The following GRIN2A variants were observed in gnomAD, a reference collection of about 807,000 sequenced individuals.
GRIN2A encodes glutamate ionotropic receptor NMDA type subunit 2A.
In GRIN2A, 22 loss-of-function variants were observed where a neutral mutation model predicts 113.4. That is an observed-to-expected ratio of 0.19 (90% CI 0.14 to 0.28). The LOEUF is 0.28. Ranked by LOEUF, GRIN2A falls within the 10% of genes least tolerant of loss-of-function variation. GRIN2A has a pLI of 1.00. For missense variants in GRIN2A, 1,502 were observed against 1,887.0 expected (o/e 0.80, Z 3.78); for synonymous variants, 827 against 738.4 (o/e 1.12, Z -1.94).
intron 3 of GRIN2A, among the ~76,000 whole-genome samples, chr16:9,891,952 G>A (rs957754403): frequency 2.6e-5 from 4 of 152,174 alleles, no homozygotes; most frequent in Non-Finnish European, 5.9e-5. Context: ...GGAAGGTGCA[G>A]GCATGGTGGC....
At chr16:9,986,525 G>T (rs908149107) in intron 2 of GRIN2A, among the ~76,000 whole-genome samples, 5 of 152,028 alleles carry the variant, frequency 3.3e-5, no homozygotes, top group Non-Finnish European at 5.9e-5. Context: ...AGCACCTTGA[G>T]GGGCCAAGGT....
intron 3 of GRIN2A, among the ~76,000 whole-genome samples, chr16:9,925,531 A>C (rs892560028): frequency 2.6e-5 from 4 of 152,224 alleles, no homozygotes; most frequent in Non-Finnish European, 5.9e-5. Context: ...CCTAGATTCA[A>C]CTTTGTCTCT....
intron 11 of GRIN2A, 64 bp downstream of exon 11, chr16:9,798,213 A>G (rs942865047): frequency 1.5e-6 from 2 of 1,330,882 alleles, no homozygotes; most frequent in East Asian, 2.3e-5. Context: ...GAAGCCCAGG[A>G]GCAAACAAAG....
chr16:10,011,433 T>C (rs2046503317), intron 2 of GRIN2A, among the ~76,000 whole-genome samples: 1 of 152,172 alleles, frequency 6.6e-6, no homozygotes, highest in African/African-American at 2.4e-5. Flanking sequence ...CTATTTCCTT[T>C]TGCCTTGGTG....
intron 7 of GRIN2A, among the ~76,000 whole-genome samples, chr16:9,839,041 T>G (rs958834269): frequency 3.3e-5 from 5 of 152,192 alleles, no homozygotes; most frequent in African/African-American, 1.2e-4. Flanking sequence ...CTTGTACCCC[T>G]GAGCTATTGA....
intron 2 of GRIN2A, among the ~76,000 whole-genome samples, chr16:10,057,393 T>C (rs1487244480): frequency 6.6e-6 from 1 of 152,176 alleles, no homozygotes; most frequent in Non-Finnish European, 1.5e-5. Context: ...CCAATATAAA[T>C]GTTCTGGGGC....
intron 2 of GRIN2A, among the ~76,000 whole-genome samples, chr16:10,056,090 T>G (rs1450403745): frequency 6.6e-6 from 1 of 152,210 alleles, no homozygotes; most frequent in Non-Finnish European, 1.5e-5. Context: ...TAACAGCATT[T>G]CTGAATGCAG....
intron 2 of GRIN2A, among the ~76,000 whole-genome samples, chr16:10,124,747 C>T (rs1023877429): frequency 6.6e-6 from 1 of 152,202 alleles, no homozygotes; most frequent in Middle Eastern, 3.2e-3. Context: ...AGAGGCCCCA[C>T]TCTCAAGGAG....
intron 2 of GRIN2A, among the ~76,000 whole-genome samples, chr16:9,951,231 T>C (rs1211909805): frequency 7.2e-5 from 11 of 152,188 alleles, no homozygotes. Context: ...AGCAACCTAA[T>C]CTGCACTGTT....
intron 2 of GRIN2A, among the ~76,000 whole-genome samples, chr16:10,030,570 G>A (rs1023552538): frequency 1.1e-4 from 16 of 152,276 alleles, no homozygotes; most frequent in Admixed American, 4.6e-4. Flanking sequence ...AGGATCAGGC[G>A]TTTTCAGACA....
chr16:10,052,772 G>C (rs1334273243), intron 2 of GRIN2A, among the ~76,000 whole-genome samples: 1 of 152,158 alleles, frequency 6.6e-6, no homozygotes, highest in East Asian at 1.9e-4. Context: ...GTGAGGCCAG[G>C]CATGGTGGCT....
intron 2 of GRIN2A, among the ~76,000 whole-genome samples, chr16:10,177,506 A>G (rs1157708789): frequency 2.0e-5 from 3 of 152,144 alleles, no homozygotes; most frequent in African/African-American, 4.8e-5. Flanking sequence ...TCCATTTTTG[A>G]ACCAATGGAC....
intron 2 of GRIN2A, among the ~76,000 whole-genome samples, chr16:9,944,972 A>C (rs989329254): frequency 1.3e-5 from 2 of 152,154 alleles, no homozygotes; most frequent in African/African-American, 4.8e-5. Context: ...AAGGACCCTG[A>C]TTCCATGAAT....
Position 9,813,061 on chromosome 16 carries a change from A to C in GRIN2A, c.2168+9203T>G, listed in dbSNP as rs142140305. 2.6e-3 allele frequency among the ~76,000 whole-genome samples: 391 copies of C among 152,378 alleles called. 4 individuals carry two copies. Among genetic ancestry groups the C allele is most frequent in the Middle Eastern group, 6.8e-3 (2 of 294 alleles). On this transcript the variant is annotated intron_variant, in intron 10 of 12. Coordinates refer to ENST00000330684, the MANE Select transcript of GRIN2A (RefSeq NM_001134407.3). ...AGTGTGAGGGATGCTACAGGACGACATTCTCCACAAGCTGTCCTGTAATAA... is the reference window on the plus strand; with the variant it reads ...AGTGTGAGGGATGCTACAGGACGACCTTCTCCACAAGCTGTCCTGTAATAA...
At chr16:10,028,523 T>TAA (rs2046864670) in intron 2 of GRIN2A, among the ~76,000 whole-genome samples, 1 of 152,194 alleles carries the variant, frequency 6.6e-6, no homozygotes, top group Non-Finnish European at 1.5e-5. Context: ...TCCTTCCTGC[T>TAA]TCCTGGATTT....
At chr16:10,028,289 C>G (rs1430675865) in intron 2 of GRIN2A, among the ~76,000 whole-genome samples, 1 of 152,186 alleles carries the variant, frequency 6.6e-6, no homozygotes, top group African/African-American at 2.4e-5. Context: ...AGCCATGATT[C>G]AAATGCAGGT....
intron 2 of GRIN2A, among the ~76,000 whole-genome samples, chr16:9,971,068 T>A (rs1365118313): frequency 6.6e-6 from 1 of 152,174 alleles, no homozygotes; most frequent in African/African-American, 2.4e-5. Context: ...GATCAAGGCA[T>A]GAACAAAGGC....
intron 10 of GRIN2A, among the ~76,000 whole-genome samples, chr16:9,806,580 T>TAGGGAGGAGGAAGAGATCC (rs2041971998): frequency 6.6e-6 from 1 of 151,438 alleles, no homozygotes; most frequent in South Asian, 2.1e-4. Flanking sequence ...GGAAGAGAAC[T>TAGGGAGGAGGAAGAGATCC]AGGGAGGAGG....
intron 2 of GRIN2A, chr16:10,027,627 G>C (rs529782893): frequency 1.3e-5 from 2 of 152,498 alleles, no homozygotes; most frequent in Admixed American, 6.5e-5. Context: ...ATGATGGAAG[G>C]GGAACCCAGT....
Sources: allele counts gnomAD v4.1 joint callset (sites outside exome capture counted in the v4.1 genomes callset), GRCh38; gene constraint gnomAD v4.1.1; transcripts MANE v1.5; gene names NCBI Gene and HGNC (gene_info 2026-07-23, HGNC 2026-07-21).